Variants in ELL2 observed in about 807,000 individuals in gnomAD.
ELL2 encodes RNA polymerase II elongation factor ELL2.
In ELL2, 21 loss-of-function variants were observed where a neutral mutation model predicts 72.8. The observed-to-expected ratio is 0.29, with a 90% CI of 0.20 to 0.42. The LOEUF is 0.42. ELL2 is among the 10% of genes least tolerant of loss of function. The probability of loss-of-function intolerance (pLI) is 1.00; values close to 1 mark genes in which losing one functional copy is unlikely to be tolerated. For missense variants in ELL2, 568 were observed against 772.8 expected (o/e 0.73, Z 3.14); for synonymous variants, 266 against 283.2 (o/e 0.94, Z 0.61).
At chr5:95,943,263 A>AT (rs775746900) in intron 1 of ELL2, among the ~76,000 whole-genome samples, 8 of 132,082 alleles carry the variant, frequency 6.1e-5, no homozygotes, top group African/African-American at 1.7e-4. Flanking sequence ...CTCCATCTCT[A>AT]TTTAAAAAAA....
chr5:95,891,688 C>T (rs754671471), intron 9 of ELL2, among the ~76,000 whole-genome samples: 9 of 152,196 alleles, frequency 5.9e-5, no homozygotes, highest in African/African-American at 2.2e-4. Context: ...GAGAATGTCA[C>T]GCAGTCCGTG....
intron 1 of ELL2, among the ~76,000 whole-genome samples, chr5:95,950,915 TA>T (rs1561515354): frequency 1.5e-5 from 1 of 65,386 alleles, no homozygotes; most frequent in East Asian, 5.0e-4. Flanking sequence ...TATATATATA[TA>T]TATATATATA....
At chr5:95,934,569 T>C (rs1750708193) in intron 2 of ELL2, among the ~76,000 whole-genome samples, 1 of 152,224 alleles carries the variant, frequency 6.6e-6, no homozygotes, top group Non-Finnish European at 1.5e-5. Context: ...CCAGCAACTC[T>C]GCCTGCACCT....
chr5:95,957,072 A>G (rs1751653354), intron 1 of ELL2, among the ~76,000 whole-genome samples: 1 of 152,210 alleles, frequency 6.6e-6, no homozygotes, highest in Non-Finnish European at 1.5e-5. Context: ...CTGTTTATGT[A>G]ATAGTCAGCA....
intron 1 of ELL2, among the ~76,000 whole-genome samples, chr5:95,950,093 T>C (rs927709570): frequency 2.0e-5 from 3 of 152,212 alleles, no homozygotes; most frequent in Non-Finnish European, 4.4e-5. Context: ...AGCCAGAGAA[T>C]TAAGAATCAC....
At chr5:95,896,739 T>A (rs183007935) in intron 8 of ELL2, among the ~76,000 whole-genome samples, 5 of 152,240 alleles carry the variant, frequency 3.3e-5, no homozygotes, top group Non-Finnish European at 2.9e-5. Flanking sequence ...CCTAACTTTG[T>A]AATTATCGCA....
intron 2 of ELL2, among the ~76,000 whole-genome samples, chr5:95,939,743 T>G (rs1031053129): frequency 2.2e-4 from 34 of 152,232 alleles, no homozygotes; most frequent in African/African-American, 7.2e-4. Context: ...TGTCACATTT[T>G]CAGTACCAGA....
rs76557270 is a variant in ELL2 at position 95,889,497 on chromosome 5, A to C, written c.1762-367T>G. Among the ~76,000 whole-genome samples the C allele has an allele frequency of 4.8e-3, 731 of 152,332 alleles. 7 individuals carry two copies. The highest frequency in any genetic ancestry group is 0.017 in the African/African-American group (705 of 41,562). On this transcript the variant is annotated intron_variant, in intron 10 of 11. Transcript: ENST00000237853. The stretch of plus-strand genomic sequence containing the variant: ...AAGTGTTTTATGTACCAATATAAAA[A>C]AATTCTCTAAGATGCATTATATTGT...
chr5:95,890,935 T>C (rs2112264938), intron 10 of ELL2, 168 bp downstream of exon 10: 2 of 780,306 alleles, frequency 2.6e-6, no homozygotes, highest in East Asian at 2.6e-5. Context: ...ACTATGTTAA[T>C]TTATTTTCAA....
At chr5:95,898,211 C>A in intron 8 of ELL2, 29 bp downstream of exon 8, 1 of 1,522,924 alleles carries the variant, frequency 6.6e-7, no homozygotes, top group Non-Finnish European at 8.9e-7. Context: ...TGATAGCATG[C>A]ACTTCTGGTT....
chr5:95,945,778 G>A (rs1751134353), intron 1 of ELL2, among the ~76,000 whole-genome samples: 1 of 152,224 alleles, frequency 6.6e-6, no homozygotes, highest in Non-Finnish European at 1.5e-5. Flanking sequence ...TGTATGGTCA[G>A]AGGGCAGGTC....
Position 95,895,618 on chromosome 5 carries a change from A to C in ELL2, c.1589+10T>G, listed in dbSNP as rs1384403940. The C allele has an allele frequency of 6.2e-7, 1 of 1,612,672 alleles. No individual in the cohort carries two copies. Among genetic ancestry groups the C allele is most frequent in the Non-Finnish European group, 8.5e-7 (1 of 1,178,728 alleles). On this transcript the variant is annotated intron_variant, in intron 9 of 11. Transcript: ENST00000237853. ...AGCCGCTCTCTCCATTGGCAGACAT[A>C]TGAACTTACATCAAATAATCTGGGA...
chr5:95,905,311 C>A (rs1484444228), intron 5 of ELL2, among the ~76,000 whole-genome samples: 2 of 151,898 alleles, frequency 1.3e-5, no homozygotes, highest in Admixed American at 1.3e-4. Context: ...ATAATTACTG[C>A]CATATATCAA....
chr5:95,906,561 G>C lies in ELL2; in HGVS notation c.703C>G (p.Gln235Glu). ...GCTCCCAGGGAGTTCTTGTCTTTTT[G>C]ATTGACACCATCTTTCTGGAGTCTA... ...LARLQKDGVN[Q>E]KDKNSLGAIL... is the part of the protein sequence containing the mutation. Residue 235 changes from glutamine to glutamate, a missense_variant, in exon 5 of 12, where the codon CAA becomes GAA. By Grantham distance (29) the Gln-to-Glu change is conservative. This residue lies in a region of ELL2 where 511 missense variants were observed against 728.4 expected (regional missense o/e 0.70). Transcript: ENST00000237853. The C allele has an allele frequency of 6.2e-7, 1 of 1,613,706 alleles. No individual in the cohort carries two copies. The highest frequency in any genetic ancestry group is 8.5e-7 in the Non-Finnish European group (1 of 1,179,736).
chr5:95,954,385 A>T (rs533415602), intron 1 of ELL2, among the ~76,000 whole-genome samples: 126 of 150,582 alleles, frequency 8.4e-4, no homozygotes, highest in African/African-American at 2.8e-3. Context: ...CTTCTTTAAA[A>T]TATCTTGTTA....
chr5:95,943,315 T>C (rs1751040296), intron 1 of ELL2, among the ~76,000 whole-genome samples: 1 of 151,868 alleles, frequency 6.6e-6, no homozygotes, highest in African/African-American at 2.4e-5. Flanking sequence ...GTCAGTGTCA[T>C]AATGTGTGAA....
intron 9 of ELL2, 62 bp from the exon 10 acceptor site, chr5:95,891,336 G>A: frequency 2.0e-6 from 3 of 1,491,590 alleles, no homozygotes; most frequent in Admixed American, 4.2e-5. Flanking sequence ...ACAAGTCTGA[G>A]ATTTAAACCA....
At chr5:95,929,261 AT>A (rs397884318) in intron 2 of ELL2, among the ~76,000 whole-genome samples, 244 of 140,930 alleles carry the variant, frequency 1.7e-3, no homozygotes, top group Middle Eastern at 7.2e-3. Context: ...GGTCTTCCTC[AT>A]TTTTTTTTTT....
chr5:95,903,158 T>G (rs1383831356), intron 5 of ELL2, among the ~76,000 whole-genome samples: 1 of 149,946 alleles, frequency 6.7e-6, no homozygotes, highest in Non-Finnish European at 1.5e-5. Context: ...CAATCCATTT[T>G]CTAGGTTTTT....
Sources: allele counts gnomAD v4.1 joint callset (sites outside exome capture counted in the v4.1 genomes callset), GRCh38; gene constraint gnomAD v4.1.1; regional missense constraint gnomAD v4.1.1; transcripts MANE v1.5; gene names NCBI Gene and HGNC (gene_info 2026-07-23, HGNC 2026-07-21).